Variants in NUDCD1 observed in about 807,000 individuals in gnomAD.
NUDCD1 encodes NudC domain containing 1.
A neutral mutation model predicts 67.8 loss-of-function variants in NUDCD1; 60 were observed. The ratio of observed to expected loss-of-function variants is 0.88; its 90% CI spans 0.72 to 1.10. NUDCD1 has a LOEUF of 1.10. Ranked by LOEUF, NUDCD1 falls within the 50% of genes least tolerant of loss-of-function variation. The pLI is 0.00. For missense variants in NUDCD1, 643 were observed against 695.0 expected (o/e 0.93, Z 0.84); for synonymous variants, 244 against 230.8 (o/e 1.06, Z -0.52).
At chr8:109,256,585 A>G (rs1361956227) in intron 8 of NUDCD1, among the ~76,000 whole-genome samples, 1 of 152,232 alleles carries the variant, frequency 6.6e-6, no homozygotes, top group African/African-American at 2.4e-5. Flanking sequence ...ACAGGAATAG[A>G]GAAATGACAT....
intron 3 of NUDCD1, among the ~76,000 whole-genome samples, chr8:109,293,814 T>A (rs987505718): frequency 6.6e-6 from 1 of 152,094 alleles, no homozygotes; most frequent in African/African-American, 2.4e-5. Flanking sequence ...TGTGCATGTG[T>A]GTATGCCTTT....
intron 1 of NUDCD1, chr8:109,330,047 T>C: frequency 2.0e-6 from 1 of 502,786 alleles, no homozygotes; most frequent in African/African-American, 2.0e-5. Flanking sequence ...AAGTATGAAT[T>C]AGCTAGGTGA....
intron 2 of NUDCD1, among the ~76,000 whole-genome samples, chr8:109,321,849 CAAAA>C (rs1214483864): frequency 2.0e-5 from 3 of 151,782 alleles, no homozygotes; most frequent in Non-Finnish European, 4.4e-5. Flanking sequence ...GATTTCAAGA[CAAAA>C]AATATTCACA....
chr8:109,311,720 A>G (rs1815256659), intron 2 of NUDCD1, among the ~76,000 whole-genome samples: 1 of 151,862 alleles, frequency 6.6e-6, no homozygotes, highest in Non-Finnish European at 1.5e-5. Context: ...GAGCTAAGCT[A>G]TGAGGATGCA....
chr8:109,322,436 T>C lies in NUDCD1; in HGVS notation c.146A>G (p.Asp49Gly). The C allele has an allele frequency of 1.9e-6, 3 of 1,596,872 alleles. No homozygotes were observed. The highest frequency in any genetic ancestry group is 2.6e-6 in the Non-Finnish European group (3 of 1,168,360). ...ATGCATGTGTTCCAGTGTATATTGA[T>C]CATCTCGAAGTTTTACCTCTGCCAC... ...AAVAEVKLRDDQYTLEHMHAF... is the reference protein window; with the variant it reads ...AAVAEVKLRDGQYTLEHMHAF... The change falls in exon 2 of 10, where the codon GAT becomes GGT. Residue 49 changes from aspartate to glycine, a missense_variant. Physicochemically the swap from Asp to Gly is moderately conservative, Grantham distance 94. Coordinates refer to ENST00000239690, the MANE Select transcript of NUDCD1 (RefSeq NM_032869.4).
chr8:109,298,743 T>C (rs1252536542), intron 2 of NUDCD1: 7 of 152,184 alleles, frequency 4.6e-5, no homozygotes, highest in Admixed American at 4.6e-4. Flanking sequence ...GGGCAGATCA[T>C]GACAGACGGG....
intron 5 of NUDCD1, among the ~76,000 whole-genome samples, chr8:109,285,716 G>A (rs1050518036): frequency 2.6e-5 from 4 of 151,988 alleles, no homozygotes; most frequent in African/African-American, 9.7e-5. Flanking sequence ...ATACTGAACA[G>A]GCAAAAACGA....
At chr8:109,244,669 A>T (rs943812801) in intron 9 of NUDCD1, among the ~76,000 whole-genome samples, 16 of 152,198 alleles carry the variant, frequency 1.1e-4, no homozygotes, top group African/African-American at 3.9e-4. Flanking sequence ...ATAAAGCAAC[A>T]ACTGTGGCTA....
At chr8:109,276,359 T>C (rs188962131) in intron 6 of NUDCD1, among the ~76,000 whole-genome samples, 167 of 152,292 alleles carry the variant, frequency 1.1e-3, no homozygotes, top group African/African-American at 3.9e-3. Flanking sequence ...GGAGTGGTAA[T>C]AGCTATTCCA....
chr8:109,323,601 T>C (rs1815591309), intron 1 of NUDCD1, among the ~76,000 whole-genome samples: 1 of 151,944 alleles, frequency 6.6e-6, no homozygotes, highest in Non-Finnish European at 1.5e-5. Context: ...TTTGGGGAGA[T>C]TAACAAAAGC....
chr8:109,275,557 G>T, intron 6 of NUDCD1, 61 bp from the exon 7 acceptor site: 1 of 1,419,250 alleles, frequency 7.0e-7, no homozygotes, highest in Non-Finnish European at 9.7e-7. Context: ...TATACAATCA[G>T]TAGCAAACAT....
chr8:109,267,150 G>A (rs954801306), intron 8 of NUDCD1, among the ~76,000 whole-genome samples: 8 of 152,060 alleles, frequency 5.3e-5, no homozygotes, highest in Admixed American at 1.3e-4. Flanking sequence ...TATGTTCAGG[G>A]GTACTTGTGC....
chr8:109,275,390 T>C lies in NUDCD1; in HGVS notation c.1135A>G (p.Ile379Val), dbSNP rs1206075369. 16 of 1,613,616 alleles carry C rather than the reference T, an allele frequency of 9.9e-6. No individual in the cohort carries two copies. Among genetic ancestry groups the C allele is most frequent in the African/African-American group, 5.3e-5 (4 of 74,908 alleles). Residue 379 changes from isoleucine to valine, a missense_variant, in exon 7 of 10, where the codon ATA becomes GTA. Physicochemically the swap from Ile to Val is conservative, Grantham distance 29. Coordinates refer to ENST00000239690, the MANE Select transcript of NUDCD1 (RefSeq NM_032869.4). ...GTCAAATGCATCAAACGTTCAGCTA[T>C]TGCAGCACACTGGGCTGAATCTCTT... ...LIRDSAQCAA[I>V]AERLMHLTSE...
At chr8:109,263,844 A>C (rs1015265021) in intron 8 of NUDCD1, among the ~76,000 whole-genome samples, 5 of 152,194 alleles carry the variant, frequency 3.3e-5, no homozygotes, top group African/African-American at 1.2e-4. Flanking sequence ...CAAAAGGAAA[A>C]GTAGGTAAAA....
chr8:109,313,514 G>A (rs887910838), intron 2 of NUDCD1, among the ~76,000 whole-genome samples: 1 of 152,078 alleles, frequency 6.6e-6, no homozygotes, highest in African/African-American at 2.4e-5. Context: ...TCAGGAGTAT[G>A]AGAAAATTTT....
Position 109,322,463 on chromosome 8 carries a change from G to A in NUDCD1, c.119C>T (p.Ala40Val). The A allele has an allele frequency of 5.7e-6, 9 of 1,578,100 alleles. No individual in the cohort carries two copies. Among genetic ancestry groups the A allele is most frequent in the Non-Finnish European group, 6.1e-6 (7 of 1,154,914 alleles). Residue 40 changes from alanine to valine, a missense_variant and splice_region_variant, in exon 2 of 10, where the codon GCT becomes GTT. Physicochemically the swap from Ala to Val is moderately conservative, Grantham distance 64. Transcript: ENST00000239690. Reference protein sequence around the residue: ...LPCYQLELDAAVAEVKLRDDQ... With the variant: ...LPCYQLELDAVVAEVKLRDDQ... ...ATCTCGAAGTTTTACCTCTGCCACAGCTGAAATACAAGAAAAGCAAACATA... is the reference window on the plus strand; with the variant it reads ...ATCTCGAAGTTTTACCTCTGCCACAACTGAAATACAAGAAAAGCAAACATA...
intron 2 of NUDCD1, among the ~76,000 whole-genome samples, chr8:109,313,106 G>A (rs915881819): frequency 2.0e-5 from 3 of 152,090 alleles, no homozygotes; most frequent in African/African-American, 7.2e-5. Flanking sequence ...CCCAACAGAA[G>A]CCAAACCTTC....
At chr8:109,295,206 A>G (rs1041459766) in intron 3 of NUDCD1, among the ~76,000 whole-genome samples, 5 of 152,192 alleles carry the variant, frequency 3.3e-5, no homozygotes, top group Admixed American at 6.5e-5. Context: ...TTTTAAGATG[A>G]AAGTGAGCCA....
chr8:109,280,938 G>T, intron 6 of NUDCD1, 30 bp downstream of exon 6: 1 of 1,039,194 alleles, frequency 9.6e-7, no homozygotes, highest in South Asian at 1.7e-5. Flanking sequence ...AAAGATAATA[G>T]AATATTAAAG....
Sources: gnomAD v4.1 joint callset for allele counts (sites outside exome capture counted in the v4.1 genomes callset) on GRCh38, gnomAD v4.1.1 for gene constraint, MANE v1.5 for transcripts, NCBI Gene and HGNC (gene_info 2026-07-23, HGNC 2026-07-21) for gene names.